Variants in FBXL7 observed in about 807,000 individuals in gnomAD.
FBXL7 encodes F-box/LRR-repeat protein 7.
A neutral mutation model predicts 38.3 loss-of-function variants in FBXL7; 12 were observed. The observed-to-expected ratio is 0.31, with a 90% CI of 0.20 to 0.51. The LOEUF is 0.51. Among genes scored for constraint, FBXL7 ranks in the 20% least tolerant of loss-of-function variants. FBXL7 has a pLI of 0.98. For synonymous variants in FBXL7, 297 were observed against 300.9 expected, an observed-to-expected ratio of 0.99 and a Z score of 0.13; for missense variants, 567 against 676.4, an observed-to-expected ratio of 0.84 and a Z score of 1.79.
chr5:15,605,394 T>G lies in FBXL7; in HGVS notation c.38-10589T>G, dbSNP rs1739973526. Among the ~76,000 whole-genome samples, 4 of 152,198 alleles carry G rather than the reference T, an allele frequency of 2.6e-5. No homozygotes were observed. The South Asian group carries it at 8.3e-4, about 32-fold the overall frequency. ...GGTATACACACAGAGTAGAATATTA[T>G]TCAGCCATGAAAAGGAATGAAACAT... On this transcript the variant is annotated intron_variant, in intron 1 of 3. Coordinates refer to ENST00000504595, the MANE Select transcript of FBXL7 (RefSeq NM_012304.5).
At chr5:15,700,676 T>C (rs1278620376) in intron 2 of FBXL7, among the ~76,000 whole-genome samples, 3 of 152,246 alleles carry the variant, frequency 2.0e-5, no homozygotes. Context: ...ATAATTTTTA[T>C]TACATAATTT....
chr5:15,718,256 G>A (rs944098305), intron 2 of FBXL7, among the ~76,000 whole-genome samples: 2 of 152,112 alleles, frequency 1.3e-5, no homozygotes, highest in African/African-American at 4.8e-5. Flanking sequence ...GATGTTTATT[G>A]TACTCTTGCG....
intron 2 of FBXL7, among the ~76,000 whole-genome samples, chr5:15,794,581 T>C (rs1402542437): frequency 6.6e-6 from 1 of 152,228 alleles, no homozygotes; most frequent in Non-Finnish European, 1.5e-5. Context: ...GGCAAACTCT[T>C]GTGGGAAATA....
intron 2 of FBXL7, among the ~76,000 whole-genome samples, chr5:15,817,531 A>G (rs565850051): frequency 1.3e-5 from 2 of 152,298 alleles, no homozygotes; most frequent in Admixed American, 1.3e-4. Context: ...TCCCCATCCA[A>G]ATCTCATCTT....
intron 1 of FBXL7, among the ~76,000 whole-genome samples, chr5:15,506,136 T>C (rs965633578): frequency 1.3e-5 from 2 of 152,048 alleles, no homozygotes; most frequent in African/African-American, 4.8e-5. Context: ...TGAAGAACTT[T>C]CAACTTTTCA....
At chr5:15,869,030 T>C (rs1449972311) in intron 2 of FBXL7, among the ~76,000 whole-genome samples, 1 of 152,130 alleles carries the variant, frequency 6.6e-6, no homozygotes, top group Non-Finnish European at 1.5e-5. Context: ...TTTGGTTGTC[T>C]CAAAGCTCAT....
At chr5:15,658,238 T>A (rs1741942481) in intron 2 of FBXL7, among the ~76,000 whole-genome samples, 3 of 152,212 alleles carry the variant, frequency 2.0e-5, no homozygotes, top group Admixed American at 2.0e-4. Flanking sequence ...TTGAAACTTT[T>A]GCCATCTAAT....
chr5:15,549,406 G>A (rs1738002022), intron 1 of FBXL7, among the ~76,000 whole-genome samples: 2 of 152,138 alleles, frequency 1.3e-5, no homozygotes, highest in African/African-American at 4.8e-5. Context: ...TCAAGCTTGT[G>A]ACTGAAACCA....
rs140435488 is a variant in FBXL7, at chr5:15,553,886, C to G, written c.37+53173C>G. Among the ~76,000 whole-genome samples, 6 of 152,308 alleles carry G rather than the reference C, an allele frequency of 3.9e-5. No individual in the cohort carries two copies. The East Asian group carries it at 5.8e-4, about 15-fold the overall frequency. Reference sequence around the variant, plus strand: ...CTCTGCTCCTGTTCTTCAGCTCTTTCTCTTCCTCAGTGGGTGGGACTCTCA... The same window carrying G: ...CTCTGCTCCTGTTCTTCAGCTCTTTGTCTTCCTCAGTGGGTGGGACTCTCA... On this transcript the variant is annotated intron_variant, in intron 1 of 3. Coordinates refer to ENST00000504595, the MANE Select transcript of FBXL7 (RefSeq NM_012304.5).
At chr5:15,788,929 C>A (rs1182507777) in intron 2 of FBXL7, among the ~76,000 whole-genome samples, 1 of 151,382 alleles carries the variant, frequency 6.6e-6, no homozygotes, top group African/African-American at 2.4e-5. Flanking sequence ...CGGCTCACTG[C>A]AAGCTCCGCC....
intron 2 of FBXL7, among the ~76,000 whole-genome samples, chr5:15,757,293 A>G (rs1478436161): frequency 6.6e-6 from 1 of 152,148 alleles, no homozygotes; most frequent in Non-Finnish European, 1.5e-5. Context: ...GAAGCCTTTG[A>G]CTCAGTTCAA....
chr5:15,746,527 T>C (rs937025442), intron 2 of FBXL7, among the ~76,000 whole-genome samples: 4 of 152,124 alleles, frequency 2.6e-5, no homozygotes, highest in African/African-American at 7.2e-5. Flanking sequence ...GTTCTCATTG[T>C]GTCCTCACAT....
At chr5:15,670,318 G>A (rs1012835033) in intron 2 of FBXL7, among the ~76,000 whole-genome samples, 5 of 151,994 alleles carry the variant, frequency 3.3e-5, no homozygotes, top group African/African-American at 1.2e-4. Context: ...CTGAATCATT[G>A]TTCCTCTCTA....
intron 1 of FBXL7, among the ~76,000 whole-genome samples, chr5:15,529,159 G>A (rs1289091990): frequency 6.6e-6 from 1 of 152,158 alleles, no homozygotes; most frequent in Non-Finnish European, 1.5e-5. Context: ...ATGTAAGTGA[G>A]ATCATGCAAT....
chr5:15,681,902 G>A (rs1011172860), intron 2 of FBXL7, among the ~76,000 whole-genome samples: 2 of 152,130 alleles, frequency 1.3e-5, no homozygotes, highest in Non-Finnish European at 2.9e-5. Context: ...ACCTAGGCAG[G>A]ATGACTTTTT....
intron 1 of FBXL7, among the ~76,000 whole-genome samples, chr5:15,597,420 C>A (rs1189455716): frequency 6.8e-6 from 1 of 147,074 alleles, no homozygotes; most frequent in African/African-American, 2.5e-5. Context: ...ATATATAAAT[C>A]TTGAAGCCAG....
At chr5:15,784,767 G>GC (rs1343586564) in intron 2 of FBXL7, among the ~76,000 whole-genome samples, 7 of 152,156 alleles carry the variant, frequency 4.6e-5, no homozygotes, top group African/African-American at 1.7e-4. Context: ...CCGAGCAGAT[G>GC]CTGGCACCAT....
chr5:15,784,670 C>A (rs1423764423), intron 2 of FBXL7, among the ~76,000 whole-genome samples: 5 of 151,938 alleles, frequency 3.3e-5, no homozygotes. Context: ...ATCTCCCCAC[C>A]CCCCTGCTCC....
chr5:15,746,876 C>T (rs148107540), intron 2 of FBXL7, among the ~76,000 whole-genome samples: 96 of 151,896 alleles, frequency 6.3e-4, no homozygotes, highest in African/African-American at 2.2e-3. Flanking sequence ...ATACTAAATA[C>T]GAGTGCCACT....
Sources: gnomAD v4.1 joint callset for allele counts (sites outside exome capture counted in the v4.1 genomes callset) on GRCh38, gnomAD v4.1.1 for gene constraint, MANE v1.5 for transcripts, NCBI Gene and HGNC (gene_info 2026-07-23, HGNC 2026-07-21) for gene names.